TENM2: variants seen among roughly 807,000 people sequenced by gnomAD.
TENM2 encodes teneurin-2.
TENM2 carries 52 observed loss-of-function variants against 245.2 expected under a neutral mutation model. The ratio of observed to expected loss-of-function variants is 0.21; its 90% CI spans 0.17 to 0.27. TENM2 has a LOEUF of 0.27. TENM2 is among the 10% of genes least tolerant of loss of function. The probability of loss-of-function intolerance (pLI) is 1.00; values close to 1 mark genes in which losing one functional copy is unlikely to be tolerated. For synonymous variants in TENM2, 1,363 were observed against 1,438.9 expected (o/e 0.95, Z 1.19); for missense variants, 3,046 against 3,666.8 (o/e 0.83, Z 4.37).
intron 3 of TENM2, among the ~76,000 whole-genome samples, chr5:167,942,086 T>C (rs1353815525): frequency 3.9e-5 from 6 of 152,008 alleles, no homozygotes; most frequent in African/African-American, 7.2e-5. Context: ...CACGTGCCTG[T>C]AATCCCAGCT....
chr5:168,157,188 T>C (rs1233080844), intron 12 of TENM2, among the ~76,000 whole-genome samples: 1 of 151,730 alleles, frequency 6.6e-6, no homozygotes, highest in African/African-American at 2.4e-5. Context: ...GACTTCTGAG[T>C]GGGGATTTGA....
chr5:167,511,813 AT>A (rs1311682987), intron 2 of TENM2, among the ~76,000 whole-genome samples: 2 of 152,220 alleles, frequency 1.3e-5, no homozygotes, highest in Non-Finnish European at 2.9e-5. Context: ...ACAACCACAC[AT>A]TTAGTCAGTT....
intron 25 of TENM2, among the ~76,000 whole-genome samples, chr5:168,238,273 A>G (rs1032767068): frequency 1.8e-4 from 27 of 150,146 alleles, no homozygotes; most frequent in African/African-American, 4.7e-4. Context: ...AGAAAAGAAA[A>G]GAAAAGAAAA....
At chr5:167,213,188 T>A in the TENM2 span, among the ~76,000 whole-genome samples, 1 of 152,240 alleles carries the variant, frequency 6.6e-6, no homozygotes, top group African/African-American at 2.4e-5. Context: ...GCCTCTGTAA[T>A]GTTCACTGTT....
At chr5:167,474,816 T>TA (rs1242383981) in intron 2 of TENM2, among the ~76,000 whole-genome samples, 1 of 152,126 alleles carries the variant, frequency 6.6e-6, no homozygotes, top group East Asian at 1.9e-4. Context: ...GCACTTGGCC[T>TA]AAAAAGAGAT....
intron 25 of TENM2, among the ~76,000 whole-genome samples, chr5:168,235,176 T>C (rs1765315061): frequency 1.3e-5 from 2 of 152,204 alleles, no homozygotes; most frequent in Admixed American, 1.3e-4. Flanking sequence ...ATGCATTCAT[T>C]CTTCACGTGA....
intron 2 of TENM2, among the ~76,000 whole-genome samples, chr5:167,606,741 G>A (rs963344618): frequency 6.6e-6 from 1 of 152,182 alleles, no homozygotes; most frequent in Non-Finnish European, 1.5e-5. Context: ...TCCTGTTAGT[G>A]ATGTAATTTT....
At chr5:167,634,974 C>T (rs1470340209) in intron 2 of TENM2, among the ~76,000 whole-genome samples, 1 of 152,094 alleles carries the variant, frequency 6.6e-6, no homozygotes, top group Non-Finnish European at 1.5e-5. Flanking sequence ...GGTAGATCAT[C>T]AGAACGTTAT....
At chr5:167,585,072 C>T (rs1775389210) in intron 2 of TENM2, among the ~76,000 whole-genome samples, 1 of 152,184 alleles carries the variant, frequency 6.6e-6, no homozygotes, top group Non-Finnish European at 1.5e-5. Flanking sequence ...TATCCACCTC[C>T]AAAAGACCAC....
At chr5:168,151,991 C>T (rs1756693175) in intron 12 of TENM2, among the ~76,000 whole-genome samples, 1 of 152,196 alleles carries the variant, frequency 6.6e-6, no homozygotes, top group Admixed American at 6.5e-5. Context: ...TTGGTCACCC[C>T]AGTTGAGAAC....
intron 25 of TENM2, among the ~76,000 whole-genome samples, chr5:168,233,781 C>T (rs1048875295): frequency 1.3e-5 from 2 of 152,142 alleles, no homozygotes; most frequent in African/African-American, 4.8e-5. Flanking sequence ...GCTGGGGAGG[C>T]CTCAGAATCA....
At chr5:167,792,572 G>T (rs1378922007) in intron 2 of TENM2, among the ~76,000 whole-genome samples, 1 of 151,980 alleles carries the variant, frequency 6.6e-6, no homozygotes, top group Non-Finnish European at 1.5e-5. Flanking sequence ...GACTATAATA[G>T]CTCCTCGGGA....
chr5:166,998,191 AG>A, the TENM2 span, among the ~76,000 whole-genome samples: 28 of 152,320 alleles, frequency 1.8e-4, no homozygotes, highest in Admixed American at 5.2e-4. Context: ...GCTGATACAA[AG>A]GAGAAAAGAC....
At chr5:168,168,421 C>T (rs1001864545) in intron 13 of TENM2, among the ~76,000 whole-genome samples, 8 of 152,164 alleles carry the variant, frequency 5.3e-5, no homozygotes, top group Admixed American at 1.3e-4. Flanking sequence ...GGCTCACGCC[C>T]GTAATCCTAA....
chr5:167,531,105 T>C (rs1481620428), intron 2 of TENM2, among the ~76,000 whole-genome samples: 1 of 152,182 alleles, frequency 6.6e-6, no homozygotes, highest in Admixed American at 6.5e-5. Flanking sequence ...TTGCTAAGCA[T>C]TGGAAGTGGC....
chr5:168,250,161 T>C lies in TENM2; in HGVS notation c.7432+1790T>C, dbSNP rs563090768. Among the ~76,000 whole-genome samples, 543 of 150,784 alleles carry C rather than the reference T, an allele frequency of 3.6e-3. 6 individuals are homozygous for C. The highest frequency in any genetic ancestry group is 0.013 in the African/African-American group (518 of 40,926). ...ATGGATGGATGGATGGATGGATGGATGGATGGATGGGTAAATAGATGGATA... is the reference window on the plus strand; with the variant it reads ...ATGGATGGATGGATGGATGGATGGACGGATGGATGGGTAAATAGATGGATA... On this transcript the variant is annotated intron_variant, in intron 27 of 28. Coordinates refer to ENST00000518659, the Ensembl canonical transcript of TENM2.
intron 2 of TENM2, among the ~76,000 whole-genome samples, chr5:167,703,254 A>C (rs978756538): frequency 6.6e-6 from 1 of 152,114 alleles, no homozygotes; most frequent in Non-Finnish European, 1.5e-5. Context: ...ACATTAAGCC[A>C]GACATAGTGG....
intron 2 of TENM2, among the ~76,000 whole-genome samples, chr5:167,413,735 A>C (rs564182791): frequency 2.6e-5 from 4 of 152,280 alleles, no homozygotes; most frequent in African/African-American, 9.6e-5. Context: ...TACGTGGTTA[A>C]TATATAACCA....
chr5:167,099,450 C>G, the TENM2 span, among the ~76,000 whole-genome samples: 5 of 152,128 alleles, frequency 3.3e-5, no homozygotes, highest in Non-Finnish European at 7.3e-5. Flanking sequence ...AATCCCAGCA[C>G]TTTGGGAGGC....
Sources: allele counts gnomAD v4.1 joint callset (sites outside exome capture counted in the v4.1 genomes callset), GRCh38; gene constraint gnomAD v4.1.1; transcripts MANE v1.5; gene names NCBI Gene and HGNC (gene_info 2026-07-23, HGNC 2026-07-21).